The following NDUFB6 variants were observed in gnomAD, a reference collection of about 807,000 sequenced individuals.
NDUFB6 encodes NADH:ubiquinone oxidoreductase subunit B6.
A neutral mutation model predicts 17.5 loss-of-function variants in NDUFB6; 23 were observed. The observed-to-expected ratio is 1.31, with a 90% CI of 0.94 to 1.86. The LOEUF (loss-of-function observed/expected upper bound fraction) is 1.86, where lower values mean the gene tolerates loss of function less well. Ranked by LOEUF, NDUFB6 falls within the 40% of genes most tolerant of loss-of-function variation. NDUFB6 has a pLI of 0.00. For synonymous variants in NDUFB6, 60 were observed against 53.5 expected, an observed-to-expected ratio of 1.12 and a Z score of -0.53; for missense variants, 167 against 153.8, an observed-to-expected ratio of 1.09 and a Z score of -0.46.
intron 3 of NDUFB6, among the ~76,000 whole-genome samples, chr9:32,557,466 C>T (rs1394467922): frequency 6.6e-6 from 1 of 151,318 alleles, no homozygotes; most frequent in Non-Finnish European, 1.5e-5. Context: ...CCCGATACCC[C>T]CTACTTTTTT....
At position 32,573,111 on chromosome 9, in the gene NDUFB6, A is replaced by C. The variant is rs775332371; in HGVS notation, c.-51T>G. 11 of 1,470,100 alleles carry C rather than the reference A, an allele frequency of 7.5e-6. No homozygotes were observed. The highest frequency in any genetic ancestry group is 9.9e-6 in the Non-Finnish European group (11 of 1,109,188). 91.1% of individuals were successfully genotyped at this position (1,470,100 alleles called of 1,614,324 possible). Reference sequence around the variant, plus strand: ...GACACGGCGCACCCTCGAACTACGGACTAGTTACTTAAGCGCGCTCCCGCT... The same window carrying C: ...GACACGGCGCACCCTCGAACTACGGCCTAGTTACTTAAGCGCGCTCCCGCT... On this transcript the variant is annotated 5_prime_UTR_variant, in exon 1 of 4. Coordinates refer to ENST00000379847, the MANE Select transcript of NDUFB6 (RefSeq NM_002493.5).
At chr9:32,564,997 T>G (rs1821739560) in intron 2 of NDUFB6, among the ~76,000 whole-genome samples, 2 of 152,142 alleles carry the variant, frequency 1.3e-5, no homozygotes, top group South Asian at 2.1e-4. Context: ...TTTGCCATTA[T>G]AAACAATTCA....
intron 2 of NDUFB6, among the ~76,000 whole-genome samples, chr9:32,563,150 A>C (rs962825434): frequency 1.3e-5 from 2 of 152,150 alleles, no homozygotes; most frequent in East Asian, 1.9e-4. Context: ...CTGTGTTCTT[A>C]TTGCAGCCTA....
intron 2 of NDUFB6, among the ~76,000 whole-genome samples, chr9:32,563,977 C>T (rs1235731290): frequency 6.6e-6 from 1 of 152,166 alleles, no homozygotes; most frequent in Admixed American, 6.5e-5. Context: ...TTCTCTCCTC[C>T]CGCCCTAGAA....
rs1246565516 is a variant in NDUFB6 at position 32,553,936 on chromosome 9, T to C, written c.327A>G (p.Thr109=). Residue 109 remains threonine (T), a synonymous_variant, in exon 4 of 4, where the codon ACA becomes ACG. Coordinates refer to ENST00000379847, the MANE Select transcript of NDUFB6 (RefSeq NM_002493.5). ...GAATTACTTCTCCAGTCTCCAGAAT[T>C]GTATCACCCTAGGAAAACAAAGATA... ...EKKSRIFPGD[T]ILETGEVIPP... is the part of the protein sequence containing the mutation. 1.3e-6 allele frequency: 2 copies of C among 1,589,912 alleles called. No homozygotes were observed. The highest frequency in any genetic ancestry group is 1.7e-6 in the Non-Finnish European group (2 of 1,159,612).
At chr9:32,569,003 C>A (rs982488275) in intron 2 of NDUFB6, among the ~76,000 whole-genome samples, 1 of 151,638 alleles carries the variant, frequency 6.6e-6, no homozygotes, top group African/African-American at 2.4e-5. Context: ...CCTGCCTTGG[C>A]CTCCCAAAGT....
At chr9:32,564,889 C>T (rs75814172) in intron 2 of NDUFB6, among the ~76,000 whole-genome samples, 13 of 152,306 alleles carry the variant, frequency 8.5e-5, no homozygotes, top group African/African-American at 2.4e-4. Context: ...ATGAAATTAA[C>T]GATCGCTCAC....
chr9:32,562,896 T>C (rs574084433), intron 2 of NDUFB6, among the ~76,000 whole-genome samples: 2 of 152,368 alleles, frequency 1.3e-5, no homozygotes, highest in Admixed American at 1.3e-4. Flanking sequence ...TTACAGATAA[T>C]GCAATTATGC....
At chr9:32,565,050 TG>T (rs1274936645) in intron 2 of NDUFB6, among the ~76,000 whole-genome samples, 2 of 152,182 alleles carry the variant, frequency 1.3e-5, no homozygotes, top group African/African-American at 4.8e-5. Context: ...CCCAGCACTT[TG>T]GGTGGCCAAA....
At chr9:32,564,231 T>C (rs570875736) in intron 2 of NDUFB6, among the ~76,000 whole-genome samples, 1 of 152,314 alleles carries the variant, frequency 6.6e-6, no homozygotes, top group African/African-American at 2.4e-5. Context: ...TCCAATTCCA[T>C]TCTACCACCA....
intron 2 of NDUFB6, among the ~76,000 whole-genome samples, chr9:32,563,795 T>C (rs967370706): frequency 6.6e-6 from 1 of 152,244 alleles, no homozygotes; most frequent in African/African-American, 2.4e-5. Context: ...TGGATTTTCA[T>C]TTTATTCAGG....
chr9:32,562,632 G>A (rs535522129), intron 2 of NDUFB6, among the ~76,000 whole-genome samples: 2 of 152,218 alleles, frequency 1.3e-5, no homozygotes, highest in South Asian at 4.1e-4. Context: ...ATAGTAAATT[G>A]CTGACTAGTT....
intron 2 of NDUFB6, among the ~76,000 whole-genome samples, chr9:32,560,120 C>A (rs1490218284): frequency 6.6e-6 from 1 of 152,170 alleles, no homozygotes. Flanking sequence ...ATGCAGAATT[C>A]AATTAGGCAG....
intron 2 of NDUFB6, among the ~76,000 whole-genome samples, chr9:32,562,601 A>AT (rs1357286673): frequency 3.9e-5 from 6 of 152,278 alleles, no homozygotes; most frequent in South Asian, 2.1e-4. Flanking sequence ...AATGAAAATA[A>AT]TTTTTTCCTT....
chr9:32,570,877 T>C, intron 2 of NDUFB6, 83 bp downstream of exon 2: 2 of 846,200 alleles, frequency 2.4e-6, no homozygotes, highest in African/African-American at 1.8e-5. Context: ...TGGCAGATTA[T>C]TTCCACTAAG....
intron 1 of NDUFB6, among the ~76,000 whole-genome samples, chr9:32,571,841 G>C (rs540488683): frequency 6.6e-6 from 1 of 152,252 alleles, no homozygotes; most frequent in Admixed American, 6.5e-5. Flanking sequence ...GGATACAAAG[G>C]GTGGGAGAAG....
At chr9:32,564,310 A>G (rs1370458830) in intron 2 of NDUFB6, among the ~76,000 whole-genome samples, 1 of 152,110 alleles carries the variant, frequency 6.6e-6, no homozygotes, top group Non-Finnish European at 1.5e-5. Flanking sequence ...TCCCTTTATC[A>G]TCAACATATG....
chr9:32,573,030 GCA>G lies in NDUFB6; in HGVS notation c.29_30del (p.Leu10ProfsTer39). On this transcript the variant is annotated frameshift_variant, in exon 1 of 4. Transcript: ENST00000379847. LOFTEE classifies it high-confidence loss of function. Reference sequence around the variant, plus strand: ...CTCAGCTCTCGCAGCTGCTGCAGCCGCAGTTTCTCATCCGGAGTGTACCCCGT... The same window carrying G: ...CTCAGCTCTCGCAGCTGCTGCAGCCGGTTTCTCATCCGGAGTGTACCCCGT... MTGYTPDEK[L>X]RLQQLRELRR... 6.3e-7 allele frequency: 1 copy of G among 1,597,534 alleles called. No homozygotes were observed.
At chr9:32,567,089 A>G (rs776680336) in intron 2 of NDUFB6, 1 of 486,548 alleles carries the variant, frequency 2.1e-6, no homozygotes, top group South Asian at 1.5e-5. Context: ...CGGGCTGCAC[A>G]GGGCCCGCAG....
Sources: allele counts gnomAD v4.1 joint callset (sites outside exome capture counted in the v4.1 genomes callset), GRCh38; gene constraint gnomAD v4.1.1; transcripts MANE v1.5; gene names NCBI Gene and HGNC (gene_info 2026-07-23, HGNC 2026-07-21).